MAPK6: variants seen among roughly 807,000 people sequenced by gnomAD.
MAPK6 encodes ERK-3.
In MAPK6, 19 loss-of-function variants were observed where a neutral mutation model predicts 59.3. The observed-to-expected ratio is 0.32, with a 90% CI of 0.22 to 0.47. The LOEUF is 0.47. Among genes scored for constraint, MAPK6 ranks in the 20% least tolerant of loss-of-function variants. The pLI is 1.00. For missense variants in MAPK6, 724 were observed against 847.9 expected (o/e 0.85, Z 1.81); for synonymous variants, 316 against 290.3 (o/e 1.09, Z -0.90).
intron 1 of MAPK6, among the ~76,000 whole-genome samples, chr15:51,976,869 G>A (rs533101061): frequency 1.7e-3 from 264 of 151,806 alleles, no homozygotes; most frequent in African/African-American, 6.1e-3. Flanking sequence ...GCTTCAACCC[G>A]GGAGGCGGAG....
intron 2 of MAPK6, among the ~76,000 whole-genome samples, chr15:51,998,519 T>TTC (rs1269673059): frequency 1.4e-5 from 2 of 146,094 alleles, no homozygotes; most frequent in Admixed American, 6.9e-5. Context: ...TTTTTTTTTT[T>TTC]CTCCCCTCTC....
chr15:51,992,299 ATATATATT>A (rs1479315593), intron 2 of MAPK6, among the ~76,000 whole-genome samples: 5 of 48,260 alleles, frequency 1.0e-4, no homozygotes, highest in Admixed American at 4.5e-4. Flanking sequence ...ATCTATATAT[ATATATATT>A]TTTTTTTTTT....
intron 2 of MAPK6, among the ~76,000 whole-genome samples, chr15:51,985,057 G>T (rs565578226): frequency 1.3e-5 from 2 of 152,282 alleles, no homozygotes; most frequent in East Asian, 3.9e-4. Context: ...ATAACATATT[G>T]CCAGGCAAAA....
At chr15:52,019,017 C>G (rs1411961434), upstream of MAPK6, 1 of 152,334 alleles carries the variant, frequency 6.6e-6, no homozygotes, top group African/African-American at 2.4e-5. Flanking sequence ...CTGTCTTCCT[C>G]CCTGCCCGCC....
chr15:51,998,777 G>A (rs1426684367), intron 2 of MAPK6, among the ~76,000 whole-genome samples: 4 of 137,062 alleles, frequency 2.9e-5, no homozygotes, highest in Non-Finnish European at 6.1e-5. Flanking sequence ...TGCAAGCTCC[G>A]CCTCCTGGGT....
At chr15:52,006,085 T>C (rs149523464) in intron 3 of MAPK6, among the ~76,000 whole-genome samples, 1 of 152,346 alleles carries the variant, frequency 6.6e-6, no homozygotes, top group African/African-American at 2.4e-5. Flanking sequence ...TTAGTATTGT[T>C]AGTCTAAAGT....
chr15:52,041,674 T>A (rs528976150), intron 1 of MAPK6, among the ~76,000 whole-genome samples: 16 of 152,214 alleles, frequency 1.1e-4, no homozygotes, highest in African/African-American at 3.9e-4. Flanking sequence ...GTTAGAGAGA[T>A]CAGAATTTGG....
rs149495146 is a variant in MAPK6, at chr15:52,064,116, T to C, written c.1282T>C (p.Ser428Pro). 708 of 1,612,030 alleles carry C rather than the reference T, an allele frequency of 4.4e-4. 5 individuals are homozygous for C. The African/African-American group carries it at 7.3e-3, about 17-fold the overall frequency. ...CTCTACTGAGCCTTGTTGGCAATAC[T>C]CAGATCATCATGAAAACAAATATTG... The part of the protein sequence containing the change: ...NYSTEPCWQY[S>P]DHHENKYCDL... The change falls in exon 6 of 6, where the codon TCA becomes CCA. Residue 428 changes from serine to proline, a missense_variant. Coordinates refer to ENST00000261845, the MANE Select transcript of MAPK6 (RefSeq NM_002748.4).
chr15:52,028,377 G>A (rs552046498), intron 1 of MAPK6, among the ~76,000 whole-genome samples: 78 of 152,152 alleles, frequency 5.1e-4, no homozygotes, highest in African/African-American at 1.7e-3. Context: ...GTGAGCCATC[G>A]CACCCTGCCA....
chr15:52,006,078 G>A (rs2057257864), intron 3 of MAPK6, among the ~76,000 whole-genome samples: 1 of 152,216 alleles, frequency 6.6e-6, no homozygotes, highest in Admixed American at 6.5e-5. Context: ...AATGCATTTA[G>A]TATTGTTAGT....
At chr15:52,028,976 C>G (rs980599923) in intron 1 of MAPK6, among the ~76,000 whole-genome samples, 3 of 152,228 alleles carry the variant, frequency 2.0e-5, no homozygotes, top group Admixed American at 6.5e-5. Flanking sequence ...GCCTATTCAT[C>G]TACTTCTCAT....
intron 3 of MAPK6, among the ~76,000 whole-genome samples, chr15:52,056,446 G>T (rs1320127072): frequency 1.3e-5 from 2 of 151,854 alleles, no homozygotes; most frequent in African/African-American, 2.4e-5. Flanking sequence ...AAAGATGCGT[G>T]CATCCTTGCT....
rs2030386274 is a variant in MAPK6 at position 52,019,237 on chromosome 15, CGGGTCGG to C, written c.-768_-762del. 6.6e-6 allele frequency: 1 copy of C among 152,110 alleles called. No individual in the cohort carries two copies. Among genetic ancestry groups the C allele is most frequent in the East Asian group, 1.9e-4 (1 of 5,162 alleles). The allele number at this position is 152,110 out of a possible 1,614,324, so 9.4% of individuals were successfully genotyped here. On this transcript the variant is annotated 5_prime_UTR_variant, in exon 1 of 6. Coordinates refer to ENST00000261845, the MANE Select transcript of MAPK6 (RefSeq NM_002748.4). The stretch of plus-strand genomic sequence containing the variant: ...GCCCCCTCTTCCTCGCCCTCTCTCG[CGGGTCGG>C]GGTTACATGGCGGCGACTGCGGCAA...
rs2032368179 is a variant in MAPK6, at chr15:52,065,201, CAAAAAT to C, written c.*205_*210del. The C allele has an allele frequency of 2.0e-6, 1 of 500,722 alleles. No individual in the cohort carries two copies. The highest frequency in any genetic ancestry group is 3.8e-5 in the Admixed American group (1 of 26,524). The allele number at this position is 500,722 out of a possible 1,614,324, so 31.0% of individuals were successfully genotyped here. ...TTTTAACTGGCATGTCATTTGCACA[CAAAAAT>C]AAAGACTAGAGCAAAATAATGCAAC... On this transcript the variant is annotated 3_prime_UTR_variant, in exon 6 of 6. Coordinates refer to ENST00000261845, the MANE Select transcript of MAPK6 (RefSeq NM_002748.4).
chr15:52,025,938 A>G (rs1011549981), intron 1 of MAPK6, among the ~76,000 whole-genome samples: 6 of 152,138 alleles, frequency 3.9e-5, no homozygotes, highest in Non-Finnish European at 7.4e-5. Context: ...CAAATTGGAG[A>G]GAGAGTATGT....
chr15:52,056,574 A>T (rs1330906030), intron 3 of MAPK6: 1 of 152,220 alleles, frequency 6.6e-6, no homozygotes, highest in Non-Finnish European at 1.5e-5. Context: ...ATCCCTTGTC[A>T]ATTCTAAGTC....
At chr15:51,974,019 A>T (rs1013222309) in intron 1 of MAPK6, among the ~76,000 whole-genome samples, 1 of 151,938 alleles carries the variant, frequency 6.6e-6, no homozygotes, top group Non-Finnish European at 1.5e-5. Context: ...AAAGGATATA[A>T]TACATGAGAT....
At chr15:52,055,340 A>G (rs2031935367) in intron 3 of MAPK6, among the ~76,000 whole-genome samples, 1 of 152,198 alleles carries the variant, frequency 6.6e-6, no homozygotes, top group Non-Finnish European at 1.5e-5. Flanking sequence ...CCGGCAGGTC[A>G]AGGCTACAGT....
chr15:51,987,738 T>G (rs1355816276), intron 2 of MAPK6, among the ~76,000 whole-genome samples: 1 of 151,968 alleles, frequency 6.6e-6, no homozygotes. Flanking sequence ...ACTCGTAGAT[T>G]TGATCACACA....
Sources: gnomAD v4.1 joint callset for allele counts (sites outside exome capture counted in the v4.1 genomes callset) on GRCh38, gnomAD v4.1.1 for gene constraint, MANE v1.5 for transcripts, NCBI Gene and HGNC (gene_info 2026-07-23, HGNC 2026-07-21) for gene names.